The following SLC9A3 variants were observed in gnomAD, a reference collection of about 807,000 sequenced individuals.
The protein encoded by SLC9A3 is solute carrier family 9 member A3, also known as sodium/hydrogen exchanger 3.
In SLC9A3, 37 loss-of-function variants were observed where a neutral mutation model predicts 86.8. The ratio of observed to expected loss-of-function variants is 0.43; its 90% confidence interval spans 0.33 to 0.56. The LOEUF is 0.56. Ranked by LOEUF, SLC9A3 falls within the 20% of genes least tolerant of loss-of-function variation. The pLI is 0.06. For missense variants in SLC9A3, 1,011 were observed against 1,171.9 expected, an observed-to-expected ratio of 0.86 and a Z score of 2.00; for synonymous variants, 581 against 528.3, an observed-to-expected ratio of 1.10 and a Z score of -1.37.
chr5:498,175 G>A lies in SLC9A3; in HGVS notation c.212-6104C>T, dbSNP rs114716309. Among the ~76,000 whole-genome samples, 933 of 152,288 alleles carry A rather than the reference G, an allele frequency of 6.1e-3. 11 individuals are homozygous for A. Among genetic ancestry groups the A allele is most frequent in the African/African-American group, 0.022 (895 of 41,562 alleles). ...CCCTGCTACTTCGGGGCCACGTCTCGGTCCGACGCTGAGGGGTGCTGCCAA... is the reference window on the plus strand; with the variant it reads ...CCCTGCTACTTCGGGGCCACGTCTCAGTCCGACGCTGAGGGGTGCTGCCAA... On this transcript the variant is annotated intron_variant, in intron 1 of 16. Coordinates refer to ENST00000264938, the MANE Select transcript of SLC9A3 (RefSeq NM_004174.4).
intron 1 of SLC9A3, among the ~76,000 whole-genome samples, chr5:518,238 G>T (rs927184784): frequency 6.6e-6 from 1 of 152,116 alleles, no homozygotes; most frequent in African/African-American, 2.4e-5. Context: ...GAGATGCTGA[G>T]TGTGAAGGGA....
rs1352871884 is a variant in SLC9A3 at position 475,530 on chromosome 5, C to T, written c.2251+31G>A. The T allele has an allele frequency of 1.7e-5, 24 of 1,377,652 alleles. 1 individual carries two copies. The East Asian group carries it at 5.7e-4, about 33-fold the overall frequency. The allele number at this position is 1,377,652 out of a possible 1,614,324, so 85.3% of individuals were successfully genotyped here. The stretch of plus-strand genomic sequence containing the variant: ...CTGGGGCGGCAGGAGCCACCCCTCC[C>T]TTAGCCACGACGCCTGTGCCCCGTC... On this transcript the variant is annotated intron_variant, in intron 15 of 16. Coordinates refer to ENST00000264938, the MANE Select transcript of SLC9A3 (RefSeq NM_004174.4).
intron 1 of SLC9A3, among the ~76,000 whole-genome samples, chr5:510,510 G>A (rs1038654444): frequency 2.6e-5 from 4 of 152,190 alleles, no homozygotes; most frequent in Admixed American, 6.5e-5. Context: ...CTGTTTTCTC[G>A]AGTGAACCCT....
At chr5:488,277 A>C in intron 3 of SLC9A3, 39 bp downstream of exon 3, 1 of 1,606,734 alleles carries the variant, frequency 6.2e-7, no homozygotes, top group Non-Finnish European at 8.5e-7. Context: ...CAGGCCTCCC[A>C]CGGCTCGCCC....
intron 4 of SLC9A3, 113 bp from the exon 5 acceptor site, chr5:484,810 C>T (rs1338452905): frequency 1.7e-5 from 17 of 1,003,154 alleles, no homozygotes; most frequent in Non-Finnish European, 2.5e-5. Context: ...GGGTGGATCC[C>T]TCACTCTCTT....
intron 16 of SLC9A3, 76 bp from the exon 17 acceptor site, chr5:473,458 C>A: frequency 8.1e-7 from 1 of 1,235,984 alleles, no homozygotes; most frequent in Non-Finnish European, 1.0e-6. Flanking sequence ...GGGGCCTCAG[C>A]TGTCCCCGAG....
At chr5:479,275 T>C (rs1475683022) in intron 10 of SLC9A3, 1 of 155,550 alleles carries the variant, frequency 6.4e-6, no homozygotes, top group Non-Finnish European at 1.4e-5. Context: ...AGTGGGCAGG[T>C]GCGGGAGCCA....
At chr5:523,701 C>G (rs1733950784) in intron 1 of SLC9A3, among the ~76,000 whole-genome samples, 1 of 151,988 alleles carries the variant, frequency 6.6e-6, no homozygotes, top group South Asian at 2.1e-4. Flanking sequence ...CTTTTCTTTT[C>G]TGCCCTTGTA....
intron 16 of SLC9A3, among the ~76,000 whole-genome samples, chr5:473,613 G>A (rs567006787): frequency 1.3e-5 from 2 of 152,192 alleles, no homozygotes; most frequent in African/African-American, 4.8e-5. Context: ...CCCCCGCCGG[G>A]GGTCCCGGGA....
At chr5:473,676 G>A (rs1459553282) in intron 16 of SLC9A3, among the ~76,000 whole-genome samples, 1 of 152,208 alleles carries the variant, frequency 6.6e-6, no homozygotes, top group Non-Finnish European at 1.5e-5. Context: ...CAGCGCGGGA[G>A]GTCAAGGTCC....
intron 1 of SLC9A3, 75 bp downstream of exon 1, chr5:524,037 A>G: frequency 2.0e-6 from 2 of 1,023,320 alleles, no homozygotes; most frequent in Non-Finnish European, 2.7e-6. Context: ...GCGCGCGGCC[A>G]CAACGAAGCC....
chr5:489,076 T>C (rs1457687914), intron 2 of SLC9A3, among the ~76,000 whole-genome samples: 2 of 152,154 alleles, frequency 1.3e-5, no homozygotes, highest in African/African-American at 4.8e-5. Context: ...TTTACTGAAA[T>C]GCAGCCTTAT....
intron 1 of SLC9A3, among the ~76,000 whole-genome samples, chr5:521,736 C>T (rs1005456663): frequency 6.6e-6 from 1 of 152,308 alleles, no homozygotes; most frequent in African/African-American, 2.4e-5. Flanking sequence ...CAGGCTTGGG[C>T]CCCGGTGTCT....
At chr5:476,999 G>A (rs1323572497) in intron 11 of SLC9A3, 1 of 515,590 alleles carries the variant, frequency 1.9e-6, no homozygotes, top group Admixed American at 3.2e-5. Flanking sequence ...CCTCCTATGA[G>A]AACTGGCTGT....
intron 1 of SLC9A3, among the ~76,000 whole-genome samples, chr5:503,945 C>G (rs974031366): frequency 3.3e-5 from 5 of 152,200 alleles, no homozygotes; most frequent in Non-Finnish European, 7.3e-5. Flanking sequence ...CCCATCTTCA[C>G]CCGGTGCCTG....
In SLC9A3 at chr5:484,505, G is replaced by C; in HGVS notation, c.932+15C>G. 1 of 1,611,096 alleles carries C rather than the reference G, an allele frequency of 6.2e-7. No individual in the cohort carries two copies. The highest frequency in any genetic ancestry group is 8.5e-7 in the Non-Finnish European group (1 of 1,179,184). On this transcript the variant is annotated intron_variant, in intron 5 of 16. Coordinates refer to ENST00000264938, the MANE Select transcript of SLC9A3 (RefSeq NM_004174.4). The stretch of plus-strand genomic sequence containing the variant: ...GGAGGGCGTGGAGAAGCTCGCGTGT[G>C]TGGGAGGGACTCACGCGAGGATGGC...
intron 1 of SLC9A3, among the ~76,000 whole-genome samples, chr5:515,504 AG>A (rs1273657093): frequency 1.3e-5 from 2 of 152,176 alleles, no homozygotes; most frequent in South Asian, 2.1e-4. Context: ...CGGATAGAAC[AG>A]GGAGCCCAGA....
At chr5:485,541 C>T (rs573904292) in intron 3 of SLC9A3, among the ~76,000 whole-genome samples, 10 of 152,380 alleles carry the variant, frequency 6.6e-5, no homozygotes, top group Admixed American at 4.6e-4. Flanking sequence ...GTCTCATCTA[C>T]GGAGACAAAC....
intron 1 of SLC9A3, among the ~76,000 whole-genome samples, chr5:521,135 G>A (rs112750432): frequency 1.6e-4 from 25 of 152,318 alleles, no homozygotes; most frequent in Non-Finnish European, 5.9e-5. Context: ...CCGTGGCCTC[G>A]GCCCTTGCCT....
Sources: gnomAD v4.1 joint callset for allele counts (sites outside exome capture counted in the v4.1 genomes callset) on GRCh38, gnomAD v4.1.1 for gene constraint, MANE v1.5 for transcripts, NCBI Gene and HGNC (gene_info 2026-07-23, HGNC 2026-07-21) for gene names.